ARSK: variants seen among roughly 807,000 people sequenced by gnomAD.
ARSK encodes the protein arylsulfatase family member K, also known as arylsulfatase K.
Under a neutral mutation model 53.2 loss-of-function variants are expected in ARSK, and 37 were observed. The observed-to-expected ratio is 0.70, with a 90% CI of 0.54 to 0.92. The LOEUF (loss-of-function observed/expected upper bound fraction) is 0.92. Ranked by LOEUF, ARSK falls within the 40% of genes least tolerant of loss-of-function variation. The pLI is 0.00. For synonymous variants in ARSK, 208 were observed against 223.2 expected, an observed-to-expected ratio of 0.93 and a Z score of 0.61; for missense variants, 613 against 643.0, an observed-to-expected ratio of 0.95 and a Z score of 0.51.
intron 5 of ARSK, 121 bp downstream of exon 5, chr5:95,586,854 C>T: frequency 1.3e-6 from 1 of 767,506 alleles, no homozygotes; most frequent in Non-Finnish European, 2.0e-6. Context: ...GGAATCTTGA[C>T]ACTTATCAAA....
rs779257492 is a variant in ARSK at position 95,583,221 on chromosome 5, C to T, written c.699+23C>T. On this transcript the variant is annotated intron_variant, in intron 4 of 7. Transcript: ENST00000380009. ...AAAGTAAGTAACTACATTGTGTGTG[C>T]TCAAAAGTAGATTTATATATGTGGC... 10 of 1,477,074 alleles carry T rather than the reference C, an allele frequency of 6.8e-6. No individual in the cohort carries two copies. In the East Asian group the frequency reaches 1.8e-4, roughly 27 times the overall value. 91.5% of individuals were successfully genotyped at this position (1,477,074 alleles called of 1,614,324 possible). A position where few individuals can be genotyped will look rare whatever the true frequency, so the allele number is the denominator to read the frequency against.
At chr5:95,562,499 G>A (rs1454212087) in intron 1 of ARSK, among the ~76,000 whole-genome samples, 1 of 152,186 alleles carries the variant, frequency 6.6e-6, no homozygotes, top group Admixed American at 6.5e-5. Flanking sequence ...GCAAATTAAA[G>A]TTGCTGTTAC....
At chr5:95,600,575 C>T in intron 6 of ARSK, 1 of 577,600 alleles carries the variant, frequency 1.7e-6, no homozygotes, top group Non-Finnish European at 3.2e-6. Flanking sequence ...TTATTTAAAC[C>T]TAAAATGAAC....
chr5:95,592,053 G>C (rs4869123), intron 6 of ARSK, among the ~76,000 whole-genome samples: 1 of 152,106 alleles, frequency 6.6e-6, no homozygotes, highest in African/African-American at 2.4e-5. Flanking sequence ...TGTACTATTT[G>C]CTTTACTAGC....
chr5:95,555,883 C>A lies in ARSK; in HGVS notation c.126+479C>A, dbSNP rs567799744. Among the ~76,000 whole-genome samples the A allele has an allele frequency of 1.6e-3, 240 of 152,256 alleles. 3 individuals carry two copies. The highest frequency in any genetic ancestry group is 5.6e-3 in the African/African-American group (234 of 41,540). ...TGTGATAATCCTGTTAGTGCTGATTCAAATGGAATCGTTGGTATAACTTGA... is the reference window on the plus strand; with the variant it reads ...TGTGATAATCCTGTTAGTGCTGATTAAAATGGAATCGTTGGTATAACTTGA... On this transcript the variant is annotated intron_variant, in intron 1 of 7. Coordinates refer to ENST00000380009, the MANE Select transcript of ARSK (RefSeq NM_198150.3). The surrounding 1 kb of genome is among the most constrained non-coding windows in gnomAD (Gnocchi z 4.0).
chr5:95,558,188 A>G (rs1166785358), intron 1 of ARSK, among the ~76,000 whole-genome samples: 1 of 152,210 alleles, frequency 6.6e-6, no homozygotes, highest in Non-Finnish European at 1.5e-5. Flanking sequence ...CCCTTACTTC[A>G]GTCAGCCCCC....
chr5:95,598,011 T>C (rs1392846558), intron 6 of ARSK, among the ~76,000 whole-genome samples: 1 of 152,188 alleles, frequency 6.6e-6, no homozygotes, highest in Admixed American at 6.5e-5. Flanking sequence ...TAATTCTTCT[T>C]AGATATGCTC....
At chr5:95,560,802 CTTTTTTTTTT>C (rs70978188) in intron 1 of ARSK, among the ~76,000 whole-genome samples, 1 of 108,288 alleles carries the variant, frequency 9.2e-6, no homozygotes, top group Admixed American at 9.8e-5. Flanking sequence ...GGCAAAAGAT[CTTTTTTTTTT>C]TTTTTTTTTT....
intron 6 of ARSK, 38 bp from the exon 7 acceptor site, chr5:95,600,807 ATG>A: frequency 2.6e-6 from 4 of 1,531,554 alleles, no homozygotes; most frequent in Non-Finnish European, 3.6e-6. Flanking sequence ...TAATAAAAGA[ATG>A]AGCTATTTTA....
intron 6 of ARSK, among the ~76,000 whole-genome samples, chr5:95,597,709 C>G (rs1749335093): frequency 6.6e-6 from 1 of 152,070 alleles, no homozygotes; most frequent in Non-Finnish European, 1.5e-5. Context: ...GCCTGGCCAA[C>G]ATGGTGAAAC....
chr5:95,566,220 G>A (rs1436147829), intron 2 of ARSK, 93 bp downstream of exon 2: 3 of 1,455,236 alleles, frequency 2.1e-6, no homozygotes, highest in Non-Finnish European at 2.8e-6. Context: ...TAGAATAGTT[G>A]TATTTGGCCT....
chr5:95,591,626 G>C lies in ARSK; in HGVS notation c.1096+1G>C, dbSNP rs1372822064. The C allele has an allele frequency of 6.2e-7, 1 of 1,612,222 alleles. No homozygotes were observed. Reference sequence around the variant, plus strand: ...GTGGATATTTACCCTACCATGCTTGGTAAGTAATGTAGTTCTGTAAATATT... The same window carrying C: ...GTGGATATTTACCCTACCATGCTTGCTAAGTAATGTAGTTCTGTAAATATT... On this transcript the variant is annotated splice_donor_variant, in intron 6 of 7. Transcript: ENST00000380009. LOFTEE classifies it high-confidence loss of function.
chr5:95,557,365 T>G (rs1016127849), intron 1 of ARSK, among the ~76,000 whole-genome samples: 1 of 152,226 alleles, frequency 6.6e-6, no homozygotes, highest in East Asian at 1.9e-4. Context: ...CCATTCAAAT[T>G]TAAGATTACA....
chr5:95,586,693 A>C lies in ARSK; in HGVS notation c.831A>C (p.Ala277=), dbSNP rs756760374. The change falls in exon 5 of 8, where the codon GCA becomes GCC. Residue 277 remains alanine (A), a synonymous_variant. Transcript: ENST00000380009. ...AAAAAGAAATTAAGAATATTAGAGC[A>C]TTTTATTATGCTATGTGTGCTGAGA... is the stretch of plus-strand genomic sequence containing the variant. ...FTKKEIKNIR[A]FYYAMCAETD... The C allele has an allele frequency of 2.5e-6, 4 of 1,611,764 alleles. No individual in the cohort carries two copies. The highest frequency in any genetic ancestry group is 3.4e-6 in the Non-Finnish European group (4 of 1,178,824).
At chr5:95,597,907 G>A (rs929238040) in intron 6 of ARSK, among the ~76,000 whole-genome samples, 1 of 115,340 alleles carries the variant, frequency 8.7e-6, no homozygotes, top group Non-Finnish European at 1.8e-5. Context: ...AAAAAAAAGT[G>A]GGGGGCGGGT....
At chr5:95,591,377 G>A (rs373599164) in intron 5 of ARSK, 24 bp from the exon 6 acceptor site, 24 of 1,563,042 alleles carry the variant, frequency 1.5e-5, no homozygotes, top group Admixed American at 8.4e-5. Flanking sequence ...AGTTTTAATC[G>A]GTTTATCATG....
chr5:95,599,545 C>T (rs1161241286), intron 6 of ARSK, among the ~76,000 whole-genome samples: 1 of 152,162 alleles, frequency 6.6e-6, no homozygotes, highest in African/African-American at 2.4e-5. Context: ...TTCACCCAGG[C>T]AAGGCTTCTC....
At chr5:95,584,125 G>C (rs1415546942) in intron 4 of ARSK, among the ~76,000 whole-genome samples, 1 of 151,890 alleles carries the variant, frequency 6.6e-6, no homozygotes, top group Non-Finnish European at 1.5e-5. Context: ...TTTTTTTACT[G>C]CATGTTCATC....
intron 6 of ARSK, among the ~76,000 whole-genome samples, chr5:95,594,266 A>T (rs1455795642): frequency 6.6e-6 from 1 of 152,198 alleles, no homozygotes; most frequent in African/African-American, 2.4e-5. Context: ...GAGCCAGGAG[A>T]CAACATTGTA....
Sources: allele counts gnomAD v4.1 joint callset (sites outside exome capture counted in the v4.1 genomes callset), GRCh38; gene constraint gnomAD v4.1.1; non-coding constraint Gnocchi (gnomAD v3.1); transcripts MANE v1.5; gene names NCBI Gene and HGNC (gene_info 2026-07-23, HGNC 2026-07-21).